NLK: variants seen among roughly 807,000 people sequenced by gnomAD.
The protein encoded by NLK is serine/threonine-protein kinase NLK.
A neutral mutation model predicts 59.0 loss-of-function variants in NLK; 11 were observed. The observed-to-expected ratio is 0.19, with a 90% CI of 0.12 to 0.31. The LOEUF is 0.31. Ranked by LOEUF, NLK falls within the 10% of genes least tolerant of loss-of-function variation. The pLI, the probability that NLK is intolerant of heterozygous loss-of-function variation, is 1.00. For synonymous variants in NLK, 235 were observed against 235.9 expected (o/e 1.00, Z 0.03); for missense variants, 410 against 661.1 (o/e 0.62, Z 4.16).
chr17:28,157,914 T>C (rs1170739299), intron 3 of NLK, among the ~76,000 whole-genome samples: 1 of 152,204 alleles, frequency 6.6e-6, no homozygotes, highest in Non-Finnish European at 1.5e-5. Context: ...ATTCATCAAA[T>C]ATTTATAGGG....
intron 3 of NLK, 69 bp from the exon 4 acceptor site, chr17:28,161,091 G>C: frequency 1.2e-6 from 1 of 821,976 alleles, no homozygotes; most frequent in Non-Finnish European, 2.1e-6. Flanking sequence ...TTATTTTTTA[G>C]ATCTGGTCAC....
At chr17:28,134,612 C>T (rs1373194777) in intron 3 of NLK, among the ~76,000 whole-genome samples, 2 of 152,266 alleles carry the variant, frequency 1.3e-5, no homozygotes, top group East Asian at 1.9e-4. Context: ...AACCAATCCC[C>T]CTTGGATACT....
intron 1 of NLK, among the ~76,000 whole-genome samples, chr17:28,068,054 T>G (rs1909891901): frequency 6.6e-6 from 1 of 151,540 alleles, no homozygotes; most frequent in Non-Finnish European, 1.5e-5. Context: ...GGTAGGAGAA[T>G]TGCTTGAAGC....
chr17:28,112,246 C>T (rs1259617420), intron 1 of NLK, among the ~76,000 whole-genome samples: 4 of 152,056 alleles, frequency 2.6e-5, no homozygotes, highest in African/African-American at 9.7e-5. Flanking sequence ...GAGCTATAGG[C>T]TTTCTCTGTT....
At chr17:28,174,196 T>C (rs1411927731) in intron 7 of NLK, among the ~76,000 whole-genome samples, 4 of 152,054 alleles carry the variant, frequency 2.6e-5, no homozygotes, top group Non-Finnish European at 4.4e-5. Flanking sequence ...CCTAAGACTT[T>C]CCATGAAATA....
At chr17:28,088,983 C>T (rs924179097) in intron 1 of NLK, among the ~76,000 whole-genome samples, 1 of 152,072 alleles carries the variant, frequency 6.6e-6, no homozygotes, top group Non-Finnish European at 1.5e-5. Flanking sequence ...TCAGTGGTGC[C>T]AGAAATGATA....
At chr17:28,178,657 A>C (rs1392567127) in intron 7 of NLK, among the ~76,000 whole-genome samples, 2 of 152,204 alleles carry the variant, frequency 1.3e-5, no homozygotes, top group Admixed American at 6.5e-5. Context: ...ATTTTTGCGA[A>C]GTGAAGATAG....
chr17:28,122,855 T>C, intron 2 of NLK, 123 bp downstream of exon 2: 2 of 1,002,576 alleles, frequency 2.0e-6, no homozygotes, highest in South Asian at 3.2e-5. Flanking sequence ...TATAGTTTTA[T>C]GCCAAATGTG....
intron 3 of NLK, among the ~76,000 whole-genome samples, chr17:28,153,965 CT>C (rs1044959146): frequency 6.6e-6 from 1 of 151,250 alleles, no homozygotes; most frequent in South Asian, 2.1e-4. Context: ...CTTGGTTTTC[CT>C]TTTTTTTTCT....
chr17:28,158,157 T>C (rs1907859838), intron 3 of NLK, among the ~76,000 whole-genome samples: 1 of 152,212 alleles, frequency 6.6e-6, no homozygotes, highest in Admixed American at 6.5e-5. Context: ...ATTACACACC[T>C]AAGCTGTATG....
At chr17:28,158,969 C>T (rs1042560584) in intron 3 of NLK, among the ~76,000 whole-genome samples, 1 of 152,162 alleles carries the variant, frequency 6.6e-6, no homozygotes, top group African/African-American at 2.4e-5. Context: ...TACATGTGGT[C>T]CATCATCAAC....
chr17:28,144,360 G>T (rs1319461036), intron 3 of NLK, among the ~76,000 whole-genome samples: 1 of 142,158 alleles, frequency 7.0e-6, no homozygotes, highest in East Asian at 2.1e-4. Context: ...ACTTATTCAC[G>T]CTAGCTCTTT....
chr17:28,178,196 C>T (rs1908760047), intron 7 of NLK, among the ~76,000 whole-genome samples: 1 of 152,134 alleles, frequency 6.6e-6, no homozygotes, highest in Non-Finnish European at 1.5e-5. Context: ...TTAGCCATCC[C>T]ATTGTCTGTC....
chr17:28,202,687 CTTT>C, the NLK span, among the ~76,000 whole-genome samples: 5 of 133,408 alleles, frequency 3.7e-5, no homozygotes, highest in Non-Finnish European at 6.4e-5. Flanking sequence ...TCTTTTTTTT[CTTT>C]TTTTTTTTTT....
At chr17:28,191,310 C>T in intron 9 of NLK, 91 bp downstream of exon 9, 1 of 897,998 alleles carries the variant, frequency 1.1e-6, no homozygotes, top group Non-Finnish European at 1.7e-6. Context: ...GGATGGTAAC[C>T]AAAGCTCCCC....
chr17:28,098,731 G>A (rs1009966162), intron 1 of NLK, among the ~76,000 whole-genome samples: 1 of 134,576 alleles, frequency 7.4e-6, no homozygotes, highest in Non-Finnish European at 1.5e-5. Flanking sequence ...TGCCCAGGCT[G>A]GAGTGCAATG....
chr17:28,085,693 A>G (rs1228398555), intron 1 of NLK, among the ~76,000 whole-genome samples: 2 of 152,210 alleles, frequency 1.3e-5, no homozygotes, highest in Non-Finnish European at 2.9e-5. Flanking sequence ...GTGAGCCAAG[A>G]TGGTGCCACT....
At chr17:28,189,516 T>A (rs1258634872) in intron 8 of NLK, among the ~76,000 whole-genome samples, 1 of 152,198 alleles carries the variant, frequency 6.6e-6, no homozygotes, top group East Asian at 1.9e-4. Context: ...GTTGGAATGA[T>A]CACTGTATGT....
At chr17:28,087,234 A>G (rs1366066699) in intron 1 of NLK, among the ~76,000 whole-genome samples, 1 of 152,180 alleles carries the variant, frequency 6.6e-6, no homozygotes, top group Non-Finnish European at 1.5e-5. Context: ...TGTAATTTCA[A>G]ATATTATCTG....
Sources: allele counts gnomAD v4.1 joint callset (sites outside exome capture counted in the v4.1 genomes callset), GRCh38; gene constraint gnomAD v4.1.1; transcripts MANE v1.5; gene names NCBI Gene and HGNC (gene_info 2026-07-23, HGNC 2026-07-21).